Variants in SLC18B1 observed in about 807,000 individuals in gnomAD.
The protein encoded by SLC18B1 is solute carrier family 18 member B1, also known as MFS-type transporter SLC18B1.
A neutral mutation model predicts 53.9 loss-of-function variants in SLC18B1; 62 were observed. The observed-to-expected ratio is 1.15, with a 90% CI of 0.94 to 1.42. The LOEUF is 1.42. Among genes scored for constraint, SLC18B1 ranks in the 40% most tolerant of loss-of-function variants. The probability of loss-of-function intolerance (pLI) is 0.00; values close to 1 mark genes in which losing one functional copy is unlikely to be tolerated. For missense variants in SLC18B1, 598 were observed against 547.3 expected (o/e 1.09, Z -0.93); for synonymous variants, 217 against 200.9 (o/e 1.08, Z -0.68).
In SLC18B1 at chr6:132,798,580, AC is replaced by A; in HGVS notation, c.-125del. On this transcript the variant is annotated 5_prime_UTR_variant, in exon 1 of 14. Coordinates refer to ENST00000275227, the MANE Select transcript of SLC18B1 (RefSeq NM_052831.3). ...GCTCAGCTGGAACCTGGCATCCCCGACTCCCTGCAGGCAGCGATCCGCCCGG... is the reference window on the plus strand; with the variant it reads ...GCTCAGCTGGAACCTGGCATCCCCGATCCCTGCAGGCAGCGATCCGCCCGG... 1 of 1,015,566 alleles carries A rather than the reference AC, an allele frequency of 9.8e-7. No homozygotes were observed. The highest frequency in any genetic ancestry group is 1.3e-6 in the Non-Finnish European group (1 of 760,656). The allele number at this position is 1,015,566 out of a possible 1,614,324, so 62.9% of individuals were successfully genotyped here. A position where few individuals can be genotyped will look rare whatever the true frequency, so the allele number is the denominator to read the frequency against.
At chr6:132,778,899 G>A (rs1247484623) in intron 7 of SLC18B1, among the ~76,000 whole-genome samples, 1 of 152,192 alleles carries the variant, frequency 6.6e-6, no homozygotes, top group Non-Finnish European at 1.5e-5. Flanking sequence ...TATAGAAGAA[G>A]CACATCTCAC....
chr6:132,772,073 TG>T (rs1780989797), intron 11 of SLC18B1, 58 bp downstream of exon 11: 1 of 1,204,228 alleles, frequency 8.3e-7, no homozygotes. Context: ...GCCTGGGTGA[TG>T]AGAGTGAAAC....
chr6:132,797,261 G>T, intron 1 of SLC18B1, 140 bp from the exon 2 acceptor site: 1 of 1,042,848 alleles, frequency 9.6e-7, no homozygotes, highest in Non-Finnish European at 1.4e-6. Context: ...TAGCACATTT[G>T]ATCAAATGGA....
chr6:132,787,857 A>G (rs1364533568), intron 4 of SLC18B1, among the ~76,000 whole-genome samples: 1 of 152,060 alleles, frequency 6.6e-6, no homozygotes, highest in African/African-American at 2.4e-5. Flanking sequence ...CACTAAATAA[A>G]CTTTTTTGGA....
At chr6:132,791,199 G>A (rs969343155) in intron 2 of SLC18B1, among the ~76,000 whole-genome samples, 9 of 152,168 alleles carry the variant, frequency 5.9e-5, no homozygotes, top group Admixed American at 2.6e-4. Context: ...TATATTGACC[G>A]TCTTATATAT....
intron 2 of SLC18B1, among the ~76,000 whole-genome samples, chr6:132,792,225 C>CGAA (rs1781541173): frequency 2.2e-5 from 1 of 44,538 alleles, no homozygotes; most frequent in African/African-American, 7.5e-5. Flanking sequence ...AAGACACTGT[C>CGAA]AGAAAGAAAG....
In SLC18B1 at chr6:132,773,125, A is replaced by G. The variant is rs182699834; in HGVS notation, c.990-37T>C. On this transcript the variant is annotated intron_variant, in intron 9 of 13. Coordinates refer to ENST00000275227, the MANE Select transcript of SLC18B1 (RefSeq NM_052831.3). ...TTTTGGAGAAAACAAATACAAAAAG[A>G]AAAACATTAGCGTTTTAACAAACAC... The G allele has an allele frequency of 2.2e-3, 3,143 of 1,460,654 alleles. 7 individuals carry two copies. Among genetic ancestry groups the G allele is most frequent in the South Asian group, 2.7e-3 (239 of 87,358 alleles). 90.5% of individuals were successfully genotyped at this position (1,460,654 alleles called of 1,614,324 possible).
rs1406011510 is a variant in SLC18B1, at chr6:132,773,097, G to C, written c.990-9C>G. The C allele has an allele frequency of 1.9e-6, 3 of 1,602,050 alleles. No homozygotes were observed. Among genetic ancestry groups the C allele is most frequent in the East Asian group, 4.5e-5 (2 of 44,804 alleles). ...CCAGCAGCCAGAGCTGACTGCAAAA[G>C]GGTTTTGGAGAAAACAAATACAAAA... On this transcript the variant is annotated splice_polypyrimidine_tract_variant and intron_variant, in intron 9 of 13. Coordinates refer to ENST00000275227, the MANE Select transcript of SLC18B1 (RefSeq NM_052831.3).
chr6:132,775,920 G>A lies in SLC18B1; in HGVS notation c.897+408C>T, dbSNP rs552315640. Among the ~76,000 whole-genome samples, 28 of 152,158 alleles carry A rather than the reference G, an allele frequency of 1.8e-4. No homozygotes were observed. In the South Asian group the frequency reaches 5.6e-3, roughly 30 times the overall value. On this transcript the variant is annotated intron_variant, in intron 8 of 13. Coordinates refer to ENST00000275227, the MANE Select transcript of SLC18B1 (RefSeq NM_052831.3). ...TTTTTTCATAAGAGAGTTTAATCTA[G>A]GAGCTGGATGTGGTGGCACATGCCT...
chr6:132,778,589 C>G (rs1781152251), intron 7 of SLC18B1, among the ~76,000 whole-genome samples: 1 of 152,070 alleles, frequency 6.6e-6, no homozygotes, highest in African/African-American at 2.4e-5. Context: ...TATTTTAAAT[C>G]TAGTGCCTCA....
At chr6:132,783,598 C>T (rs934947142) in intron 6 of SLC18B1, among the ~76,000 whole-genome samples, 5 of 152,194 alleles carry the variant, frequency 3.3e-5, no homozygotes, top group Non-Finnish European at 7.3e-5. Flanking sequence ...CATTGTTCTC[C>T]TAGCTTATAG....
At chr6:132,775,359 T>C (rs1448958642) in intron 8 of SLC18B1, among the ~76,000 whole-genome samples, 2 of 152,216 alleles carry the variant, frequency 1.3e-5, no homozygotes, top group African/African-American at 4.8e-5. Flanking sequence ...TGGACTAAGA[T>C]TGTATCCAGT....
chr6:132,771,900 T>C (rs1442529835), intron 11 of SLC18B1, among the ~76,000 whole-genome samples: 1 of 152,176 alleles, frequency 6.6e-6, no homozygotes, highest in Non-Finnish European at 1.5e-5. Flanking sequence ...AAGACCAGCC[T>C]GGCCAACACG....
intron 13 of SLC18B1, among the ~76,000 whole-genome samples, 187 bp from the exon 14 acceptor site, chr6:132,770,523 G>C (rs1336165066): frequency 6.6e-6 from 1 of 152,116 alleles, no homozygotes; most frequent in Non-Finnish European, 1.5e-5. Flanking sequence ...ATCACTTGAG[G>C]TCAGGAGTTC....
chr6:132,772,809 C>T (rs1010308579), intron 10 of SLC18B1, among the ~76,000 whole-genome samples, 184 bp downstream of exon 10: 1 of 152,136 alleles, frequency 6.6e-6, no homozygotes, highest in Non-Finnish European at 1.5e-5. Flanking sequence ...TATTAATGTA[C>T]TATTATCATT....
At chr6:132,796,532 GAAAAAAAAAA>G (rs56286125) in intron 2 of SLC18B1, among the ~76,000 whole-genome samples, 2 of 77,890 alleles carry the variant, frequency 2.6e-5, no homozygotes, top group African/African-American at 9.8e-5. Context: ...GTCTCGAAAG[GAAAAAAAAAA>G]AAAAAAAAAA....
intron 7 of SLC18B1, among the ~76,000 whole-genome samples, chr6:132,777,713 C>CAAACA (rs1015710614): frequency 2.0e-5 from 3 of 152,150 alleles, no homozygotes; most frequent in Admixed American, 6.5e-5. Flanking sequence ...GGCTCCATCT[C>CAAACA]AAACAAAACA....
At chr6:132,794,676 G>A (rs1304808704) in intron 2 of SLC18B1, among the ~76,000 whole-genome samples, 2 of 152,016 alleles carry the variant, frequency 1.3e-5, no homozygotes, top group East Asian at 3.9e-4. Context: ...CATCTCTGTT[G>A]TTCACCATAA....
chr6:132,787,258 C>T (rs1781400384), intron 5 of SLC18B1, among the ~76,000 whole-genome samples, 176 bp downstream of exon 5: 1 of 152,068 alleles, frequency 6.6e-6, no homozygotes, highest in African/African-American at 2.4e-5. Flanking sequence ...CTAAGTGAAA[C>T]CAATGTTACA....
Sources: allele counts gnomAD v4.1 joint callset (sites outside exome capture counted in the v4.1 genomes callset), GRCh38; gene constraint gnomAD v4.1.1; transcripts MANE v1.5; gene names NCBI Gene and HGNC (gene_info 2026-07-23, HGNC 2026-07-21).